RPS6KC1: variants seen among roughly 807,000 people sequenced by gnomAD.
RPS6KC1 encodes ribosomal protein S6 kinase C1.
A neutral mutation model predicts 103.8 loss-of-function variants in RPS6KC1; 54 were observed. The ratio of observed to expected loss-of-function variants is 0.52; its 90% confidence interval spans 0.42 to 0.65. RPS6KC1 has a LOEUF of 0.65. RPS6KC1 is among the 30% of genes least tolerant of loss of function. The pLI, the probability that RPS6KC1 is intolerant of heterozygous loss-of-function variation, is 0.00. For missense variants in RPS6KC1, 1,151 were observed against 1,253.8 expected (o/e 0.92, Z 1.24); for synonymous variants, 439 against 438.7 (o/e 1.00, Z -0.01).
the RPS6KC1 span, among the ~76,000 whole-genome samples, chr1:213,321,225 G>A: frequency 6.6e-6 from 1 of 152,302 alleles, no homozygotes; most frequent in South Asian, 2.1e-4. Context: ...AAGTCCTTGT[G>A]ATGGTATAAG....
chr1:213,799,176 G>A, the RPS6KC1 span, among the ~76,000 whole-genome samples: 2 of 152,076 alleles, frequency 1.3e-5, no homozygotes, highest in Non-Finnish European at 2.9e-5. Context: ...ATTTCATTGG[G>A]TACAGTTTTT....
the RPS6KC1 span, among the ~76,000 whole-genome samples, chr1:213,388,391 C>T: frequency 6.6e-6 from 1 of 152,228 alleles, no homozygotes; most frequent in Non-Finnish European, 1.5e-5. Context: ...AGCATGGGAG[C>T]TGGATAGGCA....
the RPS6KC1 span, among the ~76,000 whole-genome samples, chr1:213,761,652 T>C: frequency 6.6e-6 from 1 of 152,246 alleles, no homozygotes; most frequent in Non-Finnish European, 1.5e-5. Context: ...AGCTTCCAAA[T>C]GGCTCAGTGC....
At chr1:213,376,935 CG>C in the RPS6KC1 span, among the ~76,000 whole-genome samples, 4 of 152,052 alleles carry the variant, frequency 2.6e-5, no homozygotes, top group Admixed American at 2.6e-4. Context: ...GGCTTGTGGT[CG>C]GGGGGACCTC....
At chr1:213,485,072 C>T in the RPS6KC1 span, among the ~76,000 whole-genome samples, 1 of 152,100 alleles carries the variant, frequency 6.6e-6, no homozygotes, top group Non-Finnish European at 1.5e-5. Flanking sequence ...CACTAAGTTG[C>T]CCAAGCTGGT....
chr1:213,761,897 T>C, the RPS6KC1 span, among the ~76,000 whole-genome samples: 2 of 151,164 alleles, frequency 1.3e-5, no homozygotes, highest in African/African-American at 4.9e-5. Flanking sequence ...TTGGGGGTGT[T>C]GGCTGGAGTT....
the RPS6KC1 span, among the ~76,000 whole-genome samples, chr1:213,636,546 A>G: frequency 2.0e-5 from 3 of 152,204 alleles, no homozygotes; most frequent in Admixed American, 1.3e-4. Flanking sequence ...TGGTGCTGGG[A>G]GAACTGGCTA....
chr1:213,249,546 G>T (rs1304976774), intron 12 of RPS6KC1, among the ~76,000 whole-genome samples: 1 of 152,250 alleles, frequency 6.6e-6, no homozygotes, highest in African/African-American at 2.4e-5. Flanking sequence ...AAGCAAGCGA[G>T]AGAGCTATGC....
the RPS6KC1 span, among the ~76,000 whole-genome samples, chr1:213,744,899 C>T: frequency 1.3e-5 from 2 of 152,358 alleles, no homozygotes; most frequent in Admixed American, 6.5e-5. Flanking sequence ...CTGGGGGGAA[C>T]AGGCTCTCTG....
chr1:213,292,227 G>T, the RPS6KC1 span, among the ~76,000 whole-genome samples: 1 of 149,970 alleles, frequency 6.7e-6, no homozygotes, highest in African/African-American at 2.5e-5. Context: ...TTGTGCACAT[G>T]TACCCTAAAA....
chr1:213,177,088 C>T (rs1479632197), intron 8 of RPS6KC1, among the ~76,000 whole-genome samples: 1 of 152,160 alleles, frequency 6.6e-6, no homozygotes, highest in Non-Finnish European at 1.5e-5. Flanking sequence ...ACACTAACCC[C>T]TCACTTCACA....
the RPS6KC1 span, among the ~76,000 whole-genome samples, chr1:213,303,074 T>A: frequency 1.6e-4 from 24 of 152,196 alleles, no homozygotes; most frequent in African/African-American, 5.8e-4. Flanking sequence ...ATGCCTTCTC[T>A]GCTTTGTTAC....
intron 2 of RPS6KC1, chr1:213,073,069 T>C (rs370754608): frequency 1.1e-5 from 2 of 176,930 alleles, no homozygotes; most frequent in African/African-American, 4.8e-5. Context: ...TTAGTTGGCT[T>C]CTTAAAATAT....
chr1:213,425,309 G>T, the RPS6KC1 span, among the ~76,000 whole-genome samples: 3 of 152,170 alleles, frequency 2.0e-5, no homozygotes, highest in African/African-American at 7.2e-5. Flanking sequence ...TGACACATCG[G>T]ACACCAAATA....
At chr1:213,095,496 T>G (rs1243779812) in intron 3 of RPS6KC1, among the ~76,000 whole-genome samples, 3 of 152,184 alleles carry the variant, frequency 2.0e-5, no homozygotes, top group African/African-American at 7.2e-5. Flanking sequence ...AGGCTTTATT[T>G]TTAGTGAGTA....
chr1:213,194,788 C>A (rs1324310635), intron 8 of RPS6KC1, among the ~76,000 whole-genome samples: 2 of 152,188 alleles, frequency 1.3e-5, no homozygotes, highest in African/African-American at 4.8e-5. Flanking sequence ...CAAAACCATG[C>A]CCTACATGTA....
the RPS6KC1 span, among the ~76,000 whole-genome samples, chr1:213,464,432 T>C: frequency 1.3e-5 from 2 of 152,188 alleles, no homozygotes; most frequent in African/African-American, 4.8e-5. Flanking sequence ...AATTAAAAAA[T>C]TGTAGCCATA....
At chr1:213,802,888 C>T in the RPS6KC1 span, among the ~76,000 whole-genome samples, 3 of 152,168 alleles carry the variant, frequency 2.0e-5, no homozygotes, top group Non-Finnish European at 4.4e-5. Flanking sequence ...AATGTTTAGC[C>T]TGGAGAAGAG....
the RPS6KC1 span, among the ~76,000 whole-genome samples, chr1:213,816,641 C>G: frequency 2.0e-5 from 3 of 152,242 alleles, no homozygotes; most frequent in South Asian, 4.1e-4. Flanking sequence ...GTTATTCCCC[C>G]CTCTGCTCAC....
Sources: allele counts gnomAD v4.1 joint callset (sites outside exome capture counted in the v4.1 genomes callset), GRCh38; gene constraint gnomAD v4.1.1; transcripts MANE v1.5; gene names NCBI Gene and HGNC (gene_info 2026-07-23, HGNC 2026-07-21).